The following NGEF variants were observed in gnomAD, a reference collection of about 807,000 sequenced individuals.
NGEF encodes neuronal guanine nucleotide exchange factor, also known as ephexin-1.
A neutral mutation model predicts 80.9 loss-of-function variants in NGEF; 31 were observed. The observed-to-expected ratio is 0.38, with a 90% CI of 0.29 to 0.52. The LOEUF is 0.52. Ranked by LOEUF, NGEF falls within the 20% of genes least tolerant of loss-of-function variation. The pLI is 0.84. For missense variants in NGEF, 709 were observed against 926.2 expected, an observed-to-expected ratio of 0.77 and a Z score of 3.04; for synonymous variants, 371 against 370.2, an observed-to-expected ratio of 1.00 and a Z score of -0.03.
intron 1 of NGEF, among the ~76,000 whole-genome samples, chr2:233,010,793 G>A (rs1695187838): frequency 6.6e-6 from 1 of 152,164 alleles, no homozygotes; most frequent in African/African-American, 2.4e-5. Context: ...AAAGGGAGGA[G>A]GAGTAAGGCT....
At chr2:232,967,000 T>C (rs1196077539) in intron 3 of NGEF, among the ~76,000 whole-genome samples, 1 of 152,182 alleles carries the variant, frequency 6.6e-6, no homozygotes, top group African/African-American at 2.4e-5. Context: ...TCCATGGCTA[T>C]AGTTTGTATT....
chr2:232,953,301 CAAAAA>C (rs57652494), intron 3 of NGEF, among the ~76,000 whole-genome samples: 3 of 91,242 alleles, frequency 3.3e-5, no homozygotes, highest in South Asian at 4.6e-4. Flanking sequence ...GACTCTGTGT[CAAAAA>C]AAAAAAAAAA....
At chr2:232,894,180 A>G (rs1270640982) in intron 6 of NGEF, among the ~76,000 whole-genome samples, 2 of 152,136 alleles carry the variant, frequency 1.3e-5, no homozygotes, top group Non-Finnish European at 2.9e-5. Flanking sequence ...AAAGGATTCA[A>G]TGGGCAGATG....
intron 9 of NGEF, 97 bp from the exon 10 acceptor site, chr2:232,885,466 C>G (rs887385835): frequency 3.2e-6 from 3 of 940,690 alleles, no homozygotes; most frequent in South Asian, 1.4e-5. Flanking sequence ...GAGTGACCAC[C>G]GTGACCAGAC....
At position 232,985,750 on chromosome 2, in the gene NGEF, G is replaced by A. The variant is rs376803549; in HGVS notation, c.-74-10786C>T. 8.6e-5 allele frequency among the ~76,000 whole-genome samples: 13 copies of A among 151,726 alleles called. No homozygotes were observed. The East Asian group carries it at 1.4e-3, about 16-fold the overall frequency. ...CCTAGGCGACAGAGACACTCTGTCC[G>A]TCTCAAAACAAAAACAAAAACAAAA... On this transcript the variant is annotated intron_variant, in intron 1 of 14. Coordinates refer to ENST00000264051, the MANE Select transcript of NGEF (RefSeq NM_019850.3).
chr2:232,932,168 T>TTTC (rs1559213796), intron 3 of NGEF, among the ~76,000 whole-genome samples: 4 of 147,782 alleles, frequency 2.7e-5, no homozygotes, highest in African/African-American at 1.0e-4. Flanking sequence ...CCTTTCTTTT[T>TTTC]TTTTTTTTTT....
intron 7 of NGEF, 133 bp from the exon 8 acceptor site, chr2:232,891,620 G>GT (rs201067421): frequency 0.011 from 11,685 of 1,049,724 alleles, 98 homozygotes; most frequent in African/African-American, 0.03. Context: ...TTCTTTCTTT[G>GT]TTTTTTTTCA....
At chr2:232,991,223 G>A (rs999029320) in intron 1 of NGEF, among the ~76,000 whole-genome samples, 4 of 151,982 alleles carry the variant, frequency 2.6e-5, no homozygotes, top group Admixed American at 6.6e-5. Context: ...TTATAATGGA[G>A]GTTATAAGAC....
chr2:233,003,050 C>G (rs190634136), intron 1 of NGEF, among the ~76,000 whole-genome samples: 2 of 152,320 alleles, frequency 1.3e-5, no homozygotes, highest in Admixed American at 1.3e-4. Flanking sequence ...TCACCAAATC[C>G]CAAGTGGGTC....
intron 1 of NGEF, among the ~76,000 whole-genome samples, chr2:233,008,730 C>A (rs1695140098): frequency 6.6e-6 from 1 of 152,104 alleles, no homozygotes; most frequent in Non-Finnish European, 1.5e-5. Flanking sequence ...GAATTGGCAC[C>A]TCTGTTTCTT....
At chr2:232,906,881 C>A (rs1238754494) in intron 5 of NGEF, among the ~76,000 whole-genome samples, 1 of 151,508 alleles carries the variant, frequency 6.6e-6, no homozygotes, top group South Asian at 2.1e-4. Context: ...TATGACCTTA[C>A]CCCCAACCCA....
Sources: allele counts gnomAD v4.1 joint callset (sites outside exome capture counted in the v4.1 genomes callset), GRCh38; gene constraint gnomAD v4.1.1; transcripts MANE v1.5; gene names NCBI Gene and HGNC (gene_info 2026-07-23, HGNC 2026-07-21).